Variants in ZNF48 observed in about 807,000 individuals in gnomAD.
The protein encoded by ZNF48 is zinc finger protein 553.
A neutral mutation model predicts 40.0 loss-of-function variants in ZNF48; 20 were observed. That is an observed-to-expected ratio of 0.50 (90% CI 0.35 to 0.73). The LOEUF is 0.73. Among genes scored for constraint, ZNF48 ranks in the 30% least tolerant of loss-of-function variants. The pLI, the probability that ZNF48 is intolerant of heterozygous loss-of-function variation, is 0.01. For synonymous variants in ZNF48, 298 were observed against 329.7 expected, an observed-to-expected ratio of 0.90 and a Z score of 1.04; for missense variants, 726 against 851.9, an observed-to-expected ratio of 0.85 and a Z score of 1.84.
upstream of ZNF48, chr16:30,394,842 A>C (rs143087807): frequency 1.2e-3 from 247 of 207,036 alleles, no homozygotes; most frequent in East Asian, 0.028. Context: ...TCTCTGGCTC[A>C]GGGTCTCTGT....
chr16:30,380,785 A>T, intron 1 of ZNF48: 2 of 300,824 alleles, frequency 6.6e-6, no homozygotes, highest in Non-Finnish European at 1.3e-5. Context: ...AAAAAGAGAG[A>T]GAAAGAGAGG....
rs749970934 is a variant in ZNF48 at position 30,398,526 on chromosome 16, C to G, written c.1276C>G (p.Leu426Val). 1.2e-6 allele frequency: 2 copies of G among 1,603,762 alleles called. No homozygotes were observed. Among genetic ancestry groups the G allele is most frequent in the Admixed American group, 3.4e-5 (2 of 59,126 alleles). ...SPSHSGEPFG[L>V]PGLEPEPGGP... ...CTCACACTCGGGTGAGCCTTTTGGC[C>G]TGCCTGGCTTGGAGCCAGAGCCTGG... Residue 426 changes from leucine (L) to valine (V), a missense_variant, in exon 3 of 3, where the codon CTG (leucine) becomes GTG (valine). Around this residue, in one of 5 missense-constraint regions of ZNF48, gnomAD observed 378 missense variants for 449.1 expected, o/e 0.84. Transcript: ENST00000613509. The surrounding 1 kb of genome is among the most constrained non-coding windows in gnomAD (Gnocchi z 6.6).
chr16:30,387,345 G>A (rs1021443521), intron 1 of ZNF48, among the ~76,000 whole-genome samples: 3 of 147,948 alleles, frequency 2.0e-5, no homozygotes, highest in Middle Eastern at 3.4e-3. Flanking sequence ...ACCTGATGTC[G>A]GGAGTTCAAG....
chr16:30,398,131 A>G lies in ZNF48; in HGVS notation c.881A>G (p.Gln294Arg). ...CTCAGCTGCAGCCTCCTGAGTCACC[A>G]GCGTAGTCACTTGGGGCCCAAGCCC... ...FVLSCSLLSHQRSHLGPKPFG... is the reference protein window; with the variant it reads ...FVLSCSLLSHRRSHLGPKPFG... Residue 294 changes from glutamine (Q) to arginine (R), a missense_variant, in exon 3 of 3, where the codon CAG becomes CGG. Around this residue, in one of 5 missense-constraint regions of ZNF48, gnomAD observed 378 missense variants for 449.1 expected, o/e 0.84. Transcript: ENST00000613509. This position sits in a 1 kb window ranked among gnomAD's most constrained non-coding sequence, Gnocchi z 6.6. 3 of 1,613,766 alleles carry G rather than the reference A, an allele frequency of 1.9e-6. No homozygotes were observed. The South Asian group carries it at 3.3e-5, about 18-fold the overall frequency.
At chr16:30,379,640 CTTTTTTTTTTTTT>C (rs71149011) in intron 1 of ZNF48, 27 of 239,754 alleles carry the variant, frequency 1.1e-4, no homozygotes, top group Non-Finnish European at 1.3e-4. Context: ...GCCCCTTCCT[CTTTTTTTTTTTTT>C]TTTTTTTTTT....
chr16:30,378,484 C>G, intron 1 of ZNF48: 1 of 1,577,420 alleles, frequency 6.3e-7, no homozygotes, highest in Non-Finnish European at 8.6e-7. Context: ...TGCATTTGGG[C>G]CTGCATCTTC....
chr16:30,382,083 AGGGTCTTAC>A lies in ZNF48; in HGVS notation c.-16+3674_-16+3682del. The A allele has an allele frequency of 6.3e-7, 1 of 1,577,698 alleles. No homozygotes were observed. Among genetic ancestry groups the A allele is most frequent in the South Asian group, 1.1e-5 (1 of 87,682 alleles). On this transcript the variant is annotated intron_variant, in intron 1 of 2. Transcript: ENST00000528032. This position sits in a 1 kb window ranked among gnomAD's most constrained non-coding sequence, Gnocchi z 4.8. ...GGGCTACTGCCTCAAGAGGGTGGGG[AGGGTCTTAC>A]CACTGGCCTCTGGCACCTGGCGATC...
chr16:30,395,168 G>C (rs1006601479), upstream of ZNF48: 5 of 453,036 alleles, frequency 1.1e-5, no homozygotes, highest in Non-Finnish European at 2.2e-5. The surrounding 1 kb of genome is among the most constrained non-coding windows in gnomAD (Gnocchi z 5.9). Flanking sequence ...CGGGGAGGTC[G>C]GCGCGGGTGG....
chr16:30,396,861 G>A (rs2049989012), intron 2 of ZNF48, among the ~76,000 whole-genome samples: 1 of 151,596 alleles, frequency 6.6e-6, no homozygotes, highest in African/African-American at 2.4e-5. Context: ...GCTAATTTTT[G>A]TATTTTTTTT....
chr16:30,395,347 C>A (rs942428378), upstream of ZNF48: 1 of 452,104 alleles, frequency 2.2e-6, no homozygotes, highest in South Asian at 1.6e-5. The surrounding 1 kb of genome is among the most constrained non-coding windows in gnomAD (Gnocchi z 5.9). Flanking sequence ...CCGACGCGGG[C>A]GACCCCCACA....
rs369700945 is a variant in ZNF48 at position 30,398,592 on chromosome 16, G to C, written c.1342G>C (p.Asp448His). ...GGAGCCACCCCCACCACTGGCGGGCGACAAGCCCCACAAGTGCCCTGAGTG... is the reference window on the plus strand; with the variant it reads ...GGAGCCACCCCCACCACTGGCGGGCCACAAGCCCCACAAGTGCCCTGAGTG... ...AGEPPPPLAGDKPHKCPECGK... is the reference protein window; with the variant it reads ...AGEPPPPLAGHKPHKCPECGK... Residue 448 changes from aspartate to histidine, a missense_variant, in exon 3 of 3, where the codon GAC (aspartate) becomes CAC (histidine). Physicochemically the swap from Asp to His is moderately conservative, Grantham distance 81 (BLOSUM62 -1). This residue lies in a region of ZNF48 where 378 missense variants were observed against 449.1 expected (regional missense o/e 0.84). Transcript: ENST00000613509. The surrounding 1 kb of genome is among the most constrained non-coding windows in gnomAD (Gnocchi z 6.6). The C allele has an allele frequency of 3.3e-5, 53 of 1,611,940 alleles. No individual in the cohort carries two copies. The highest frequency in any genetic ancestry group is 4.3e-5 in the Non-Finnish European group (51 of 1,179,818).
rs1389954379 is a variant in ZNF48 at position 30,400,077 on chromosome 16, A to G, written c.*970A>G. On this transcript the variant is annotated 3_prime_UTR_variant, in exon 3 of 3. Transcript: ENST00000613509. ...TTTTGTGTGCTTCCCTTGCTCTCTG[A>G]GCCCATTAAATAAAGAGGTTGTCTT... The G allele has an allele frequency of 1.3e-5, 2 of 152,208 alleles. No individual in the cohort carries two copies. The highest frequency in any genetic ancestry group is 2.9e-5 in the Non-Finnish European group (2 of 68,052). The allele number at this position is 152,208 out of a possible 1,614,324, so 9.4% of individuals were successfully genotyped here.
chr16:30,391,567 C>T (rs1003324645), upstream of ZNF48, among the ~76,000 whole-genome samples: 2 of 151,396 alleles, frequency 1.3e-5, no homozygotes, highest in Non-Finnish European at 2.9e-5. Context: ...GTGATCTCAG[C>T]TCACTGCAAC....
upstream of ZNF48, among the ~76,000 whole-genome samples, chr16:30,392,151 T>C (rs1057401038): frequency 6.6e-6 from 1 of 152,298 alleles, no homozygotes; most frequent in Admixed American, 6.5e-5. Flanking sequence ...GCCTCCTGAG[T>C]ATCTGGGACT....
upstream of ZNF48, among the ~76,000 whole-genome samples, chr16:30,393,195 G>T (rs767448441): frequency 1.3e-4 from 19 of 151,830 alleles, no homozygotes; most frequent in Non-Finnish European, 2.2e-4. Flanking sequence ...TCCTGCCTCA[G>T]CCTCCCAAGT....
In ZNF48 at chr16:30,381,828, C is replaced by A. The variant is rs1053182118; in HGVS notation, c.-16+3418C>A. 2.2e-5 allele frequency: 35 copies of A among 1,614,074 alleles called. No individual in the cohort carries two copies. In the East Asian group the frequency reaches 6.2e-4, roughly 29 times the overall value. ...CAAGGGTCAGCTTCACTTTCACACC[C>A]CCTTCCTCAATCTCTACGCCCCGGC... On this transcript the variant is annotated intron_variant, in intron 1 of 2. Transcript: ENST00000528032. The surrounding 1 kb of genome is among the most constrained non-coding windows in gnomAD (Gnocchi z 4.3).
At chr16:30,392,433 T>A (rs1306955648), upstream of ZNF48, among the ~76,000 whole-genome samples, 1 of 152,102 alleles carries the variant, frequency 6.6e-6, no homozygotes, top group African/African-American at 2.4e-5. Context: ...ATTACAGGCG[T>A]GAGCCACCAT....
rs1333408033 is a variant in ZNF48 at position 30,395,472 on chromosome 16, C to G, written c.-122C>G. On this transcript the variant is annotated 5_prime_UTR_variant, in exon 1 of 3. Transcript: ENST00000613509. The surrounding 1 kb of genome is among the most constrained non-coding windows in gnomAD (Gnocchi z 5.9). ...CGCCTGGGTCCGAGCCCGCTCCCGG[C>G]TTGGCGCGGAGCCTGCATCCCGGAG... is the stretch of plus-strand genomic sequence containing the variant. 3.0e-6 allele frequency: 1 copy of G among 333,844 alleles called. No homozygotes were observed. Among genetic ancestry groups the G allele is most frequent in the South Asian group, 2.1e-5 (1 of 46,572 alleles). 20.7% of individuals were successfully genotyped at this position (333,844 alleles called of 1,614,324 possible). A position where few individuals can be genotyped will look rare whatever the true frequency, so the allele number is the denominator to read the frequency against.
At position 30,395,836 on chromosome 16, in the gene ZNF48, C is replaced by T; in HGVS notation, c.42C>T (p.Arg14=). The T allele has an allele frequency of 6.5e-7, 1 of 1,549,612 alleles. No individual in the cohort carries two copies. Among genetic ancestry groups the T allele is most frequent in the African/African-American group, 1.4e-5 (1 of 73,548 alleles). The change falls in exon 2 of 3, where the codon CGC becomes CGT. Residue 14 remains arginine, a synonymous_variant. Coordinates refer to ENST00000613509, the MANE Select transcript of ZNF48 (RefSeq NM_001214909.2). This position sits in a 1 kb window ranked among gnomAD's most constrained non-coding sequence, Gnocchi z 5.9. ...AVEPWGPDLH[R]PEEREPQRGA... is the part of the protein sequence containing the mutation. ...AGCCTTGGGGCCCAGATCTCCACCGCCCGGAGGAGAGGGAGCCACAGAGAG... is the reference window on the plus strand; with the variant it reads ...AGCCTTGGGGCCCAGATCTCCACCGTCCGGAGGAGAGGGAGCCACAGAGAG...
Sources: gnomAD v4.1 joint callset for allele counts (sites outside exome capture counted in the v4.1 genomes callset) on GRCh38, gnomAD v4.1.1 for gene constraint, gnomAD v4.1.1 regional missense constraint, Gnocchi (gnomAD v3.1) non-coding constraint, MANE v1.5 for transcripts, NCBI Gene and HGNC (gene_info 2026-07-23, HGNC 2026-07-21) for gene names.